Variants in LRRC4C observed in about 807,000 individuals in gnomAD.
LRRC4C encodes leucine rich repeat containing 4C.
A neutral mutation model predicts 33.6 loss-of-function variants in LRRC4C; 5 were observed. The observed-to-expected ratio is 0.15, with a 90% CI of 0.08 to 0.31. The LOEUF (loss-of-function observed/expected upper bound fraction) is 0.31. LRRC4C is among the 10% of genes least tolerant of loss of function. LRRC4C has a pLI of 1.00. For synonymous variants in LRRC4C, 329 were observed against 302.0 expected, an observed-to-expected ratio of 1.09 and a Z score of -0.93; for missense variants, 560 against 796.7, an observed-to-expected ratio of 0.70 and a Z score of 3.58.
intron 3 of LRRC4C, among the ~76,000 whole-genome samples, chr11:40,647,170 A>G (rs1942517595): frequency 6.6e-6 from 1 of 152,232 alleles, no homozygotes; most frequent in Non-Finnish European, 1.5e-5. Context: ...TATAAATGCA[A>G]CTGAGAGAGA....
chr11:41,431,578 GATTGGTT>G (rs1955234941), intron 1 of LRRC4C, among the ~76,000 whole-genome samples: 3 of 152,042 alleles, frequency 2.0e-5, no homozygotes, highest in African/African-American at 7.2e-5. Context: ...AGGGCTCTCA[GATTGGTT>G]ATTGGTTATT....
chr11:40,815,971 C>G (rs867840628), intron 2 of LRRC4C, among the ~76,000 whole-genome samples: 1 of 152,088 alleles, frequency 6.6e-6, no homozygotes, highest in Admixed American at 6.5e-5. Context: ...TTATTTAATG[C>G]GATTTCACGA....
intron 3 of LRRC4C, among the ~76,000 whole-genome samples, chr11:40,392,499 A>G (rs561315820): frequency 2.0e-4 from 30 of 152,240 alleles, no homozygotes; most frequent in Non-Finnish European, 4.4e-4. Flanking sequence ...AATAATGTCT[A>G]TTAATTTTTT....
chr11:41,068,720 T>G (rs977698331), intron 1 of LRRC4C, among the ~76,000 whole-genome samples: 4 of 152,040 alleles, frequency 2.6e-5, no homozygotes, highest in African/African-American at 9.7e-5. Flanking sequence ...AATCCCTGAA[T>G]AGACCAATAA....
chr11:40,801,568 G>A (rs948795699), intron 2 of LRRC4C, among the ~76,000 whole-genome samples: 7 of 152,068 alleles, frequency 4.6e-5, no homozygotes, highest in Admixed American at 1.3e-4. Flanking sequence ...CAATGCATAG[G>A]ATGTGCTCAA....
At chr11:41,262,173 G>A (rs1043739919) in intron 1 of LRRC4C, among the ~76,000 whole-genome samples, 4 of 151,930 alleles carry the variant, frequency 2.6e-5, no homozygotes, top group Admixed American at 6.6e-5. Context: ...TGGTCTTTGA[G>A]CCAAATTTCA....
At chr11:41,127,138 A>G (rs182311412) in intron 1 of LRRC4C, among the ~76,000 whole-genome samples, 2 of 152,210 alleles carry the variant, frequency 1.3e-5, no homozygotes, top group East Asian at 3.9e-4. Context: ...TTTTAATTGC[A>G]TGTACCACAC....
intron 1 of LRRC4C, among the ~76,000 whole-genome samples, chr11:41,457,417 G>T (rs1274141038): frequency 6.6e-6 from 1 of 152,114 alleles, no homozygotes; most frequent in East Asian, 1.9e-4. Context: ...GATTGTCCAG[G>T]CAGAGCTTGG....
At chr11:40,685,507 A>G (rs1944909547) in intron 2 of LRRC4C, among the ~76,000 whole-genome samples, 1 of 151,962 alleles carries the variant, frequency 6.6e-6, no homozygotes, top group Admixed American at 6.6e-5. Flanking sequence ...AAAATTTAAG[A>G]AAACAACAAA....
chr11:41,323,256 A>T (rs1442291996), intron 1 of LRRC4C, among the ~76,000 whole-genome samples: 2 of 152,096 alleles, frequency 1.3e-5, no homozygotes, highest in Non-Finnish European at 2.9e-5. Context: ...CAGCCATACC[A>T]CTGTATCCCT....
chr11:40,297,885 A>G (rs948240610), intron 4 of LRRC4C, among the ~76,000 whole-genome samples: 1 of 152,188 alleles, frequency 6.6e-6, no homozygotes. Context: ...AGGTTATTTC[A>G]TCTCAGAGGT....
intron 4 of LRRC4C, among the ~76,000 whole-genome samples, chr11:40,288,395 G>T (rs1282435438): frequency 1.3e-5 from 2 of 152,122 alleles, no homozygotes; most frequent in East Asian, 3.8e-4. Flanking sequence ...TCATTGAAAA[G>T]AAACATAAGA....
chr11:41,019,900 G>A (rs1263564869), intron 1 of LRRC4C, among the ~76,000 whole-genome samples: 1 of 152,078 alleles, frequency 6.6e-6, no homozygotes, highest in Non-Finnish European at 1.5e-5. Flanking sequence ...TAAGTTGCTT[G>A]TAAATCCTGG....
chr11:40,896,944 A>G (rs1456402795), intron 2 of LRRC4C, among the ~76,000 whole-genome samples: 2 of 152,162 alleles, frequency 1.3e-5, no homozygotes, highest in African/African-American at 2.4e-5. Flanking sequence ...ACAAAGGAAA[A>G]GCAAATATCT....
At chr11:40,155,280 T>G (rs2135282901) in intron 5 of LRRC4C, among the ~76,000 whole-genome samples, 1 of 151,666 alleles carries the variant, frequency 6.6e-6, no homozygotes, top group East Asian at 1.9e-4. Flanking sequence ...AGAGACAATC[T>G]AAGGTCACAC....
At chr11:40,950,904 T>C (rs935372981) in intron 1 of LRRC4C, among the ~76,000 whole-genome samples, 1 of 151,900 alleles carries the variant, frequency 6.6e-6, no homozygotes, top group Non-Finnish European at 1.5e-5. Context: ...TTACTAAATA[T>C]GAATCTTGAG....
rs1028826802 is a variant in LRRC4C at position 40,783,146 on chromosome 11, C to T, written c.-406-134868G>A. On this transcript the variant is annotated intron_variant, in intron 2 of 6. Coordinates refer to ENST00000528697, the MANE Select transcript of LRRC4C (RefSeq NM_001258419.2). ...GTTAATAATATTTTCTTAAATGCAG[C>T]GAAGTTTGAAATATTGAACACTATG... 9.9e-5 allele frequency among the ~76,000 whole-genome samples: 15 copies of T among 151,930 alleles called. No homozygotes were observed. In the South Asian group the frequency reaches 2.1e-3, roughly 21 times the overall value.
intron 2 of LRRC4C, among the ~76,000 whole-genome samples, chr11:40,699,545 G>C (rs1478972910): frequency 6.6e-6 from 1 of 152,110 alleles, no homozygotes; most frequent in Non-Finnish European, 1.5e-5. Flanking sequence ...ATGCCATGTT[G>C]ACTCGACTTT....
intron 5 of LRRC4C, among the ~76,000 whole-genome samples, chr11:40,162,853 A>G (rs755400039): frequency 3.9e-5 from 6 of 152,202 alleles, no homozygotes; most frequent in Non-Finnish European, 8.8e-5. Flanking sequence ...TTTAACTTGT[A>G]CTTCTAAGCA....
Sources: gnomAD v4.1 joint callset for allele counts (sites outside exome capture counted in the v4.1 genomes callset) on GRCh38, gnomAD v4.1.1 for gene constraint, MANE v1.5 for transcripts, NCBI Gene and HGNC (gene_info 2026-07-23, HGNC 2026-07-21) for gene names.